The following USP7 variants were observed in gnomAD, a reference collection of about 807,000 sequenced individuals.
USP7 encodes ubiquitin specific peptidase 7.
A neutral mutation model predicts 162.9 loss-of-function variants in USP7; 9 were observed. That is an observed-to-expected ratio of 0.06 (90% confidence interval 0.03 to 0.10). USP7 has a LOEUF of 0.10. USP7 is among the 10% of genes least tolerant of loss of function. The probability of loss-of-function intolerance (pLI) is 1.00; values close to 1 mark genes in which losing one functional copy is unlikely to be tolerated. For missense variants in USP7, 715 were observed against 1,373.7 expected (o/e 0.52, Z 7.58); for synonymous variants, 562 against 475.9 (o/e 1.18, Z -2.35).
intron 25 of USP7, among the ~76,000 whole-genome samples, chr16:8,897,728 T>TAC (rs2061709883): frequency 1.7e-5 from 1 of 59,112 alleles, no homozygotes. Flanking sequence ...AAAAAAAAAA[T>TAC]ATATATATAT....
intron 1 of USP7, among the ~76,000 whole-genome samples, chr16:8,952,055 G>A (rs894325220): frequency 3.7e-5 from 5 of 135,066 alleles, no homozygotes; most frequent in Admixed American, 8.2e-5. Context: ...AAAGCAGGAG[G>A]GTGTTTAAAT....
In USP7 at chr16:8,920,503, A is replaced by C. The variant is rs1338757267; in HGVS notation, c.523-56T>G. Reference sequence around the variant, plus strand: ...GAATAAGAACACACATTTTATTCCCAAGAGACAAATTACATTAGTGCCCTG... The same window carrying C: ...GAATAAGAACACACATTTTATTCCCCAGAGACAAATTACATTAGTGCCCTG... On this transcript the variant is annotated intron_variant, in intron 4 of 30. Coordinates refer to ENST00000344836, the MANE Select transcript of USP7 (RefSeq NM_003470.3). The C allele has an allele frequency of 3.4e-6, 5 of 1,450,568 alleles. No individual in the cohort carries two copies. In the East Asian group the frequency reaches 9.1e-5, roughly 26 times the overall value. The allele number at this position is 1,450,568 out of a possible 1,614,324, so 89.9% of individuals were successfully genotyped here. A position where few individuals can be genotyped will look rare whatever the true frequency, so the allele number is the denominator to read the frequency against.
In USP7 at chr16:8,930,741, G is replaced by C. The variant is rs1898278713; in HGVS notation, c.80-344C>G. Among the ~76,000 whole-genome samples, 4 of 152,282 alleles carry C rather than the reference G, an allele frequency of 2.6e-5. No homozygotes were observed. In the South Asian group the frequency reaches 8.3e-4, roughly 32 times the overall value. ...CCTAGCATTTTGAGAGGCCAAGGCG[G>C]ACAGATCACCTGAGGCCAGGAGTTC... On this transcript the variant is annotated intron_variant, in intron 1 of 30. Transcript: ENST00000344836.
chr16:8,917,043 C>T lies in USP7; in HGVS notation c.834G>A (p.Lys278=). ...QHSDKPVGTK[K]LTKSFGWETL... is the part of the protein sequence containing the mutation. ...ATACATACCCAAATGACTTTGTTAA[C>T]TTTTTTGTTCCTACAGGTTTATCAC... The change falls in exon 7 of 31, where the codon AAG becomes AAA. Residue 278 remains lysine, a synonymous_variant. Transcript: ENST00000344836. 1 of 1,583,586 alleles carries T rather than the reference C, an allele frequency of 6.3e-7. No individual in the cohort carries two copies. The highest frequency in any genetic ancestry group is 8.6e-7 in the Non-Finnish European group (1 of 1,164,588).
chr16:8,935,729 T>C (rs1411932865), intron 1 of USP7: 3 of 152,202 alleles, frequency 2.0e-5, no homozygotes, highest in Non-Finnish European at 4.4e-5. Flanking sequence ...AATATGTATA[T>C]GAAAAGGCAG....
chr16:8,931,023 C>CAATT (rs966922779), intron 1 of USP7, among the ~76,000 whole-genome samples: 1 of 151,622 alleles, frequency 6.6e-6, no homozygotes, highest in African/African-American at 2.4e-5. Flanking sequence ...AATAGCTAAT[C>CAATT]AGCGTAAAGA....
chr16:8,913,224 C>T (rs938270425), intron 10 of USP7, among the ~76,000 whole-genome samples: 15 of 152,104 alleles, frequency 9.9e-5, no homozygotes, highest in African/African-American at 3.4e-4. Flanking sequence ...GGCATGGTGG[C>T]GCATGCCTCT....
intron 26 of USP7, 89 bp from the exon 27 acceptor site, chr16:8,895,830 C>T (rs1049296947): frequency 2.2e-6 from 2 of 901,170 alleles, no homozygotes; most frequent in African/African-American, 1.9e-5. Flanking sequence ...AATAAAGTTA[C>T]CACGATATGT....
chr16:8,910,902 T>A, intron 10 of USP7, 75 bp from the exon 11 acceptor site: 1 of 1,210,706 alleles, frequency 8.3e-7, no homozygotes, highest in Non-Finnish European at 1.2e-6. Flanking sequence ...GTAAGTTATT[T>A]AAATCAGCAT....
chr16:8,904,919 C>T (rs1567212937), intron 14 of USP7, among the ~76,000 whole-genome samples: 1 of 152,150 alleles, frequency 6.6e-6, no homozygotes. Context: ...TTGCAGTGAG[C>T]CGAGATCGCG....
intron 1 of USP7, among the ~76,000 whole-genome samples, chr16:8,959,831 A>G (rs761714457): frequency 1.1e-4 from 17 of 152,134 alleles, no homozygotes; most frequent in Non-Finnish European, 2.1e-4. Flanking sequence ...AACAAAAAAC[A>G]CAGAAGCCTA....
intron 1 of USP7, among the ~76,000 whole-genome samples, chr16:8,942,982 G>A (rs749042554): frequency 2.6e-5 from 4 of 152,098 alleles, no homozygotes; most frequent in Non-Finnish European, 4.4e-5. Context: ...CAGGCACTGC[G>A]GGCCCTGAGG....
chr16:8,937,179 A>AG (rs1812069431), intron 1 of USP7, among the ~76,000 whole-genome samples: 1 of 151,090 alleles, frequency 6.6e-6, no homozygotes, highest in Admixed American at 6.6e-5. Flanking sequence ...AGATCCCTTT[A>AG]GCCTGGGCAA....
intron 1 of USP7, among the ~76,000 whole-genome samples, chr16:8,954,414 G>A (rs1387243675): frequency 6.6e-6 from 1 of 152,198 alleles, no homozygotes; most frequent in East Asian, 1.9e-4. Flanking sequence ...GAGGTAGCTC[G>A]CGTGTTCTCA....
At chr16:8,961,267 C>G (rs887763324) in intron 1 of USP7, among the ~76,000 whole-genome samples, 2 of 152,008 alleles carry the variant, frequency 1.3e-5, no homozygotes, top group African/African-American at 4.8e-5. Flanking sequence ...ACGAGGCGGG[C>G]AGATCACCTG....
intron 2 of USP7, among the ~76,000 whole-genome samples, chr16:8,927,601 C>G (rs1898084813): frequency 6.6e-6 from 1 of 152,120 alleles, no homozygotes; most frequent in African/African-American, 2.4e-5. Flanking sequence ...TTTGGGAAGC[C>G]AAGGCAGGTG....
rs151175250 is a variant in USP7, at chr16:8,930,613, C to T, written c.80-216G>A. Among the ~76,000 whole-genome samples, 725 of 152,276 alleles carry T rather than the reference C, an allele frequency of 4.8e-3. 10 individuals are homozygous for T. The highest frequency in any genetic ancestry group is 0.017 in the African/African-American group (696 of 41,536). On this transcript the variant is annotated intron_variant, in intron 1 of 30. Coordinates refer to ENST00000344836, the MANE Select transcript of USP7 (RefSeq NM_003470.3). Reference sequence around the variant, plus strand: ...ACACTAAATGGAATTTGAAAACATGCTATACCACACTATAATTTGCTTTAT... The same window carrying T: ...ACACTAAATGGAATTTGAAAACATGTTATACCACACTATAATTTGCTTTAT...
chr16:8,919,629 T>G (rs1404452822), intron 5 of USP7, among the ~76,000 whole-genome samples: 1 of 152,090 alleles, frequency 6.6e-6, no homozygotes, highest in African/African-American at 2.4e-5. Context: ...TTTTGGTGGT[T>G]GTTTGGGAGC....
intron 6 of USP7, among the ~76,000 whole-genome samples, chr16:8,917,663 G>C (rs1245888770): frequency 6.6e-6 from 1 of 152,170 alleles, no homozygotes; most frequent in African/African-American, 2.4e-5. Flanking sequence ...ATAGGCGAGA[G>C]CTACCGCACC....
Sources: allele counts gnomAD v4.1 joint callset (sites outside exome capture counted in the v4.1 genomes callset), GRCh38; gene constraint gnomAD v4.1.1; transcripts MANE v1.5; gene names NCBI Gene and HGNC (gene_info 2026-07-23, HGNC 2026-07-21).